RBM44: variants seen among roughly 807,000 people sequenced by gnomAD.
RBM44 encodes the protein RNA-binding protein 44.
RBM44 carries 66 observed loss-of-function variants against 105.1 expected under a neutral mutation model. The observed-to-expected ratio is 0.63, with a 90% CI of 0.52 to 0.77. RBM44 has a LOEUF of 0.77. Among genes scored for constraint, RBM44 ranks in the 30% least tolerant of loss-of-function variants. The pLI, the probability that RBM44 is intolerant of heterozygous loss-of-function variation, is 0.00. For synonymous variants in RBM44, 365 were observed against 417.6 expected (o/e 0.87, Z 1.54); for missense variants, 1,122 against 1,207.8 (o/e 0.93, Z 1.05).
intron 4 of RBM44, among the ~76,000 whole-genome samples, chr2:237,819,658 G>A (rs1008946575): frequency 3.3e-5 from 5 of 151,754 alleles, no homozygotes; most frequent in African/African-American, 7.3e-5. Context: ...AGTGATTTGG[G>A]GCTTTTTGAT....
At chr2:237,826,280 C>T (rs1197052025) in intron 10 of RBM44, among the ~76,000 whole-genome samples, 1 of 151,944 alleles carries the variant, frequency 6.6e-6, no homozygotes, top group Non-Finnish European at 1.5e-5. Flanking sequence ...TCCTGTGTGC[C>T]AGGTATGGGA....
chr2:237,830,768 C>G (rs1228248381), intron 13 of RBM44, among the ~76,000 whole-genome samples: 1 of 152,120 alleles, frequency 6.6e-6, no homozygotes, highest in Non-Finnish European at 1.5e-5. Context: ...CTGTCTCTTT[C>G]TACCCATAGT....
chr2:237,841,421 A>G lies in RBM44; in HGVS notation c.*23-418A>G. Among the ~76,000 whole-genome samples, 1 of 152,208 alleles carries G rather than the reference A, an allele frequency of 6.6e-6. No individual in the cohort carries two copies. Among genetic ancestry groups the G allele is most frequent in the East Asian group, 1.9e-4 (1 of 5,206 alleles). ...CAGACACTGCAGCCTACTTAATGTT[A>G]GACGGTAGGAGGAGGGTGAGGATCA... On this transcript the variant is annotated intron_variant, in intron 15 of 15. Coordinates refer to ENST00000316997, the MANE Select transcript of RBM44 (RefSeq NM_001080504.3). The surrounding 1 kb of genome is among the most constrained non-coding windows in gnomAD (Gnocchi z 4.5).
chr2:237,808,547 A>G (rs555012777), intron 1 of RBM44, among the ~76,000 whole-genome samples: 2 of 152,162 alleles, frequency 1.3e-5, no homozygotes, highest in African/African-American at 4.8e-5. Flanking sequence ...AACTCAGTGG[A>G]TGGGTTTCAC....
rs1167781328 is a variant in RBM44, at chr2:237,841,543, G to A, written c.*23-296G>A. On this transcript the variant is annotated intron_variant, in intron 15 of 15. Transcript: ENST00000316997. The surrounding 1 kb of genome is among the most constrained non-coding windows in gnomAD (Gnocchi z 4.5). ...TGTAATTTATCTATATCGATATAAC[G>A]AACCTGCACATATGCCCCTGAAACT... Among the ~76,000 whole-genome samples the A allele has an allele frequency of 1.3e-5, 2 of 152,060 alleles. No individual in the cohort carries two copies. The highest frequency in any genetic ancestry group is 6.6e-5 in the Admixed American group (1 of 15,252).
At position 237,818,906 on chromosome 2, in the gene RBM44, C is replaced by A; in HGVS notation, c.1683C>A (p.Phe561Leu). Residue 561 changes from phenylalanine (F) to leucine (L), a missense_variant, in exon 4 of 16, where the codon TTC becomes TTA. By Grantham distance (22) the Phe-to-Leu change is conservative. This residue lies in a region of RBM44 where 918 missense variants were observed against 955.3 expected (regional missense o/e 0.96). Transcript: ENST00000316997. This position sits in a 1 kb window ranked among gnomAD's most constrained non-coding sequence, Gnocchi z 4.6. ...KPNGNFLNKD[F>L]LELRKACGIT... ...ATTTTAAATCATATTTTCAGGATTT[C>A]CTGGAATTAAGAAAAGCATGTGGTA... 6.9e-7 allele frequency: 1 copy of A among 1,452,424 alleles called. No individual in the cohort carries two copies. Among genetic ancestry groups the A allele is most frequent in the South Asian group, 1.3e-5 (1 of 77,674 alleles). 90.0% of individuals were successfully genotyped at this position (1,452,424 alleles called of 1,614,324 possible).
Position 237,821,156 on chromosome 2 carries a change from T to C in RBM44, c.1999T>C (p.Leu667=). The change falls in exon 6 of 16, where the codon TTG becomes CTG. Residue 667 remains leucine (L), a synonymous_variant. Coordinates refer to ENST00000316997, the MANE Select transcript of RBM44 (RefSeq NM_001080504.3). ...LGDLKVRYVT[L]KEKIHKGIPL... ...GGACTTAAAAGTTAGATATGTGACT[T>C]TGAAAGAAAAAATACACAAAGGCAT... 6.2e-7 allele frequency: 1 copy of C among 1,611,504 alleles called. No homozygotes were observed. Among genetic ancestry groups the C allele is most frequent in the Non-Finnish European group, 8.5e-7 (1 of 1,178,860 alleles).
At chr2:237,823,205 A>T (rs764766065) in intron 8 of RBM44, among the ~76,000 whole-genome samples, 4 of 151,956 alleles carry the variant, frequency 2.6e-5, no homozygotes, top group Non-Finnish European at 5.9e-5. Flanking sequence ...TAGTGTTAGC[A>T]CAGTCATTAT....
chr2:237,840,557 A>G (rs1289159892), intron 15 of RBM44, among the ~76,000 whole-genome samples: 1 of 152,240 alleles, frequency 6.6e-6, no homozygotes, highest in African/African-American at 2.4e-5. Context: ...AGCAATTACA[A>G]CAAAAAAATT....
Position 237,813,796 on chromosome 2 carries a change from G to T in RBM44, c.73+114G>T, listed in dbSNP as rs183315805. On this transcript the variant is annotated intron_variant, in intron 2 of 15. Coordinates refer to ENST00000316997, the MANE Select transcript of RBM44 (RefSeq NM_001080504.3). The stretch of plus-strand genomic sequence containing the variant: ...TTTTAACTCTTCCTCCCTCTAAGGT[G>T]GTAAGACTCAGTATATTTTTAACTT... 77 of 661,658 alleles carry T rather than the reference G, an allele frequency of 1.2e-4. No homozygotes were observed. In the East Asian group the frequency reaches 1.5e-3, roughly 13 times the overall value. The allele number at this position is 661,658 out of a possible 1,614,324, so 41.0% of individuals were successfully genotyped here. A position where few individuals can be genotyped will look rare whatever the true frequency, so the allele number is the denominator to read the frequency against.
intron 8 of RBM44, among the ~76,000 whole-genome samples, 152 bp from the exon 9 acceptor site, chr2:237,823,288 C>T (rs4663794): frequency 0.23 from 35,511 of 151,838 alleles, 4,693 homozygotes; most frequent in East Asian, 0.47. Context: ...AGATTCTGTT[C>T]TCTCACATGT....
chr2:237,820,107 C>A, intron 4 of RBM44, 68 bp from the exon 5 acceptor site: 1 of 802,368 alleles, frequency 1.2e-6, no homozygotes, highest in Non-Finnish European at 1.8e-6. Context: ...AAATCTGTTT[C>A]TGGAGGCATG....
At chr2:237,819,644 AC>A (rs1559914192) in intron 4 of RBM44, among the ~76,000 whole-genome samples, 2 of 152,058 alleles carry the variant, frequency 1.3e-5, no homozygotes, top group African/African-American at 4.8e-5. Flanking sequence ...ACTCAAAAAA[AC>A]ATAGTGATTT....
chr2:237,812,565 A>C (rs1192749972), intron 1 of RBM44, among the ~76,000 whole-genome samples: 1 of 152,210 alleles, frequency 6.6e-6, no homozygotes, highest in African/African-American at 2.4e-5. Flanking sequence ...GTACATTTAG[A>C]TGATTTTTTT....
At chr2:237,819,364 T>G (rs975976317) in intron 4 of RBM44, among the ~76,000 whole-genome samples, 1 of 152,084 alleles carries the variant, frequency 6.6e-6, no homozygotes, top group African/African-American at 2.4e-5. Flanking sequence ...CATAATTTGC[T>G]TTGCATTTAT....
In RBM44 at chr2:237,827,366, A is replaced by G. The variant is rs146435574; in HGVS notation, c.2529+37A>G. 514 of 1,470,610 alleles carry G rather than the reference A, an allele frequency of 3.5e-4. 3 individuals are homozygous for G. The African/African-American group carries it at 5.9e-3, about 17-fold the overall frequency. 91.1% of individuals were successfully genotyped at this position (1,470,610 alleles called of 1,614,324 possible). On this transcript the variant is annotated intron_variant, in intron 11 of 15. Coordinates refer to ENST00000316997, the MANE Select transcript of RBM44 (RefSeq NM_001080504.3). ...TTATTTTTTTGAGCTTCATTTTCAA[A>G]TTTATTAGTTGTTCATATTTGTTGT... is the stretch of plus-strand genomic sequence containing the variant.
At chr2:237,827,674 T>C (rs1363830805) in intron 12 of RBM44, among the ~76,000 whole-genome samples, 171 bp downstream of exon 12, 1 of 152,184 alleles carries the variant, frequency 6.6e-6, no homozygotes, top group African/African-American at 2.4e-5. Context: ...GAGTTGATAC[T>C]GTTCTTAACC....
At chr2:237,827,351 G>T (rs1034756459) in intron 11 of RBM44, 22 bp downstream of exon 11, 1 of 1,503,116 alleles carries the variant, frequency 6.7e-7, no homozygotes, top group Admixed American at 1.9e-5. Flanking sequence ...TTATTTTTTT[G>T]AGCTTCATTT....
In RBM44 at chr2:237,817,402, C is replaced by T. The variant is rs766619477; in HGVS notation, c.483C>T (p.Tyr161=). The change falls in exon 3 of 16, where the codon TAC becomes TAT. Residue 161 remains tyrosine, a synonymous_variant. Transcript: ENST00000316997. ...QDKTVGLERI[Y]NISDANYRES... ...AGACTGTTGGCTTGGAAAGAATCTA[C>T]AATATTTCAGATGCTAATTATAGAG... 4 of 1,601,576 alleles carry T rather than the reference C, an allele frequency of 2.5e-6. No homozygotes were observed. The African/African-American group carries it at 5.4e-5, about 21-fold the overall frequency.
Sources: allele counts gnomAD v4.1 joint callset (sites outside exome capture counted in the v4.1 genomes callset), GRCh38; gene constraint gnomAD v4.1.1; regional missense constraint gnomAD v4.1.1; non-coding constraint Gnocchi (gnomAD v3.1); transcripts MANE v1.5; gene names NCBI Gene and HGNC (gene_info 2026-07-23, HGNC 2026-07-21).